PRKG1: variants seen among roughly 807,000 people sequenced by gnomAD.
PRKG1 encodes cGMP-dependent protein kinase 1.
A neutral mutation model predicts 88.1 loss-of-function variants in PRKG1; 35 were observed. That is an observed-to-expected ratio of 0.40 (90% CI 0.30 to 0.53). The LOEUF (loss-of-function observed/expected upper bound fraction) is 0.53, where lower values mean the gene tolerates loss of function less well. Among genes scored for constraint, PRKG1 ranks in the 20% least tolerant of loss-of-function variants. The pLI is 0.59. For missense variants in PRKG1, 540 were observed against 839.8 expected, an observed-to-expected ratio of 0.64 and a Z score of 4.41; for synonymous variants, 303 against 292.5, an observed-to-expected ratio of 1.04 and a Z score of -0.37.
intron 2 of PRKG1, among the ~76,000 whole-genome samples, chr10:51,242,649 AT>A: frequency 6.6e-6 from 1 of 152,278 alleles, no homozygotes; most frequent in East Asian, 1.9e-4. Context: ...ACTGGGATAA[AT>A]GCAATTGCTA....
intron 3 of PRKG1, among the ~76,000 whole-genome samples, chr10:51,504,017 A>C (rs1409168692): frequency 6.6e-6 from 1 of 152,164 alleles, no homozygotes; most frequent in African/African-American, 2.4e-5. Flanking sequence ...AGACAGAAAG[A>C]TTACAGATTC....
intron 3 of PRKG1, among the ~76,000 whole-genome samples, chr10:51,669,598 A>G (rs1210002079): frequency 6.6e-6 from 1 of 152,334 alleles, no homozygotes; most frequent in South Asian, 2.1e-4. Context: ...AACAATAAGC[A>G]TCCAATTGAT....
intron 2 of PRKG1, among the ~76,000 whole-genome samples, chr10:51,224,555 T>C (rs988778045): frequency 1.3e-5 from 2 of 152,242 alleles, no homozygotes; most frequent in Non-Finnish European, 2.9e-5. Context: ...GAGAAAGTTA[T>C]CACATACATA....
At chr10:51,999,996 T>C (rs1050021184) in intron 5 of PRKG1, among the ~76,000 whole-genome samples, 1 of 152,100 alleles carries the variant, frequency 6.6e-6, no homozygotes, top group African/African-American at 2.4e-5. Context: ...GGCTTTTTAA[T>C]GTACTATGGA....
At chr10:51,598,747 T>A (rs1178055742) in intron 3 of PRKG1, among the ~76,000 whole-genome samples, 3 of 152,212 alleles carry the variant, frequency 2.0e-5, no homozygotes, top group Non-Finnish European at 4.4e-5. Context: ...TAAACAAAGA[T>A]TGATTGAGAA....
chr10:51,006,408 A>G (rs182097127), intron 1 of PRKG1, among the ~76,000 whole-genome samples: 1 of 152,330 alleles, frequency 6.6e-6, no homozygotes, highest in Admixed American at 6.5e-5. Context: ...ATTGCCTTAT[A>G]GAATGTAGTC....
intron 4 of PRKG1, among the ~76,000 whole-genome samples, chr10:51,854,367 T>C (rs1308149958): frequency 6.6e-6 from 1 of 152,146 alleles, no homozygotes; most frequent in Non-Finnish European, 1.5e-5. Context: ...GTGCAGTGTT[T>C]GGGGACAGGG....
At chr10:51,325,959 G>C (rs1841581801) in intron 2 of PRKG1, among the ~76,000 whole-genome samples, 1 of 152,202 alleles carries the variant, frequency 6.6e-6, no homozygotes, top group South Asian at 2.1e-4. Flanking sequence ...AGAAAAGAGA[G>C]GGAGAGGATA....
intron 1 of PRKG1, among the ~76,000 whole-genome samples, chr10:51,151,754 A>G (rs1589197037): frequency 6.6e-6 from 1 of 151,988 alleles, no homozygotes; most frequent in East Asian, 1.9e-4. Context: ...ATGAAATTTC[A>G]ATTGTTTTTA....
At chr10:52,078,420 G>A (rs1458812677) in intron 7 of PRKG1, among the ~76,000 whole-genome samples, 2 of 152,032 alleles carry the variant, frequency 1.3e-5, no homozygotes, top group Admixed American at 6.6e-5. Flanking sequence ...TTGAGATTGC[G>A]GAAAATAATA....
chr10:52,084,259 A>G (rs1846854527), intron 7 of PRKG1, among the ~76,000 whole-genome samples: 1 of 152,056 alleles, frequency 6.6e-6, no homozygotes, highest in South Asian at 2.1e-4. Flanking sequence ...ACACAACACA[A>G]TGAAACAAAT....
intron 4 of PRKG1, among the ~76,000 whole-genome samples, chr10:51,844,592 T>TA (rs1840355109): frequency 1.3e-5 from 2 of 152,146 alleles, no homozygotes; most frequent in South Asian, 4.1e-4. Flanking sequence ...TAAGTTTGTA[T>TA]AAAAAATGAT....
chr10:51,769,312 G>C (rs914173431), intron 3 of PRKG1, among the ~76,000 whole-genome samples: 1 of 152,134 alleles, frequency 6.6e-6, no homozygotes, highest in Admixed American at 6.5e-5. Flanking sequence ...ATCTTTTCAA[G>C]TTTCAGCTGT....
At chr10:51,323,937 G>A (rs537271002) in intron 2 of PRKG1, among the ~76,000 whole-genome samples, 11 of 152,238 alleles carry the variant, frequency 7.2e-5, no homozygotes, top group Admixed American at 2.0e-4. Flanking sequence ...GGGTGACAAA[G>A]CAAGTCCCTG....
intron 5 of PRKG1, among the ~76,000 whole-genome samples, chr10:51,926,392 T>A (rs907118560): frequency 1.8e-4 from 28 of 152,118 alleles, no homozygotes; most frequent in African/African-American, 6.8e-4. Flanking sequence ...CAGAATTGAT[T>A]CAGCAAGCTT....
chr10:52,281,448 TG>T (rs199968707), intron 13 of PRKG1, among the ~76,000 whole-genome samples: 4,026 of 72,406 alleles, frequency 0.056, 156 homozygotes, highest in African/African-American at 0.19. Context: ...TTGTTGGATC[TG>T]TTAACAGCTT....
intron 10 of PRKG1, among the ~76,000 whole-genome samples, chr10:52,259,969 TATC>T (rs903980336): frequency 6.6e-6 from 1 of 152,014 alleles, no homozygotes; most frequent in African/African-American, 2.4e-5. Context: ...GGGAAGAAGT[TATC>T]TTTTTCTTTT....
chr10:51,304,770 G>T (rs949341845), intron 2 of PRKG1, among the ~76,000 whole-genome samples: 1 of 151,592 alleles, frequency 6.6e-6, no homozygotes, highest in Non-Finnish European at 1.5e-5. Flanking sequence ...TACTGAGAAT[G>T]ATGATTTCCA....
intron 2 of PRKG1, among the ~76,000 whole-genome samples, chr10:51,369,048 A>G (rs1326503085): frequency 1.3e-5 from 2 of 152,090 alleles, no homozygotes; most frequent in African/African-American, 4.8e-5. Flanking sequence ...TAAAAGTGAG[A>G]TTATATACCT....
Sources: allele counts gnomAD v4.1 joint callset (sites outside exome capture counted in the v4.1 genomes callset), GRCh38; gene constraint gnomAD v4.1.1; transcripts MANE v1.5; gene names NCBI Gene and HGNC (gene_info 2026-07-23, HGNC 2026-07-21).